The following SPON1 variants were observed in gnomAD, a reference collection of about 807,000 sequenced individuals.
SPON1 encodes the protein spondin 1, also known as spondin-1.
SPON1 carries 52 observed loss-of-function variants against 111.7 expected under a neutral mutation model. The observed-to-expected ratio is 0.47, with a 90% CI of 0.37 to 0.59. The LOEUF (loss-of-function observed/expected upper bound fraction) is 0.59. Among genes scored for constraint, SPON1 ranks in the 20% least tolerant of loss-of-function variants. SPON1 has a pLI of 0.00. For synonymous variants in SPON1, 410 were observed against 395.8 expected (o/e 1.04, Z -0.43); for missense variants, 957 against 1,068.5 (o/e 0.90, Z 1.46).
chr11:14,135,301 T>TGGC lies in SPON1; in HGVS notation c.677-119_677-118insGGC. On this transcript the variant is annotated intron_variant, in intron 5 of 15. Transcript: ENST00000576479. The surrounding 1 kb of genome is among the most constrained non-coding windows in gnomAD (Gnocchi z 4.4). Reference sequence around the variant, plus strand: ...GAATGGCACAGGGCCTAAGACAGAATAGGTGCTTAGTCAGTGCTCTTTGAA... The same window carrying TGGC: ...GAATGGCACAGGGCCTAAGACAGAATGGCAGGTGCTTAGTCAGTGCTCTTTGAA... 1 of 1,142,600 alleles carries TGGC rather than the reference T, an allele frequency of 8.8e-7. No homozygotes were observed. Among genetic ancestry groups the TGGC allele is most frequent in the East Asian group, 2.4e-5 (1 of 42,126 alleles). The allele number at this position is 1,142,600 out of a possible 1,614,324, so 70.8% of individuals were successfully genotyped here. A position where few individuals can be genotyped will look rare whatever the true frequency, so the allele number is the denominator to read the frequency against.
intron 4 of SPON1, among the ~76,000 whole-genome samples, chr11:14,075,988 G>A (rs1354353957): frequency 3.3e-5 from 5 of 152,240 alleles, no homozygotes; most frequent in East Asian, 3.9e-4. Context: ...AACTAGACTC[G>A]GGGGATAAAG....
chr11:14,064,448 TGAG>T (rs1444035456), intron 3 of SPON1, among the ~76,000 whole-genome samples: 1 of 152,080 alleles, frequency 6.6e-6, no homozygotes, highest in East Asian at 1.9e-4. Flanking sequence ...AGGGTAGAAG[TGAG>T]GAGGAGACAT....
intron 8 of SPON1, among the ~76,000 whole-genome samples, chr11:14,255,051 A>G (rs1849090887): frequency 6.6e-6 from 1 of 152,174 alleles, no homozygotes; most frequent in African/African-American, 2.4e-5. Flanking sequence ...TGAATGTCAT[A>G]TTTCTCTGAT....
At chr11:14,001,979 G>A (rs1355588563) in intron 2 of SPON1, among the ~76,000 whole-genome samples, 2 of 152,116 alleles carry the variant, frequency 1.3e-5, no homozygotes, top group Non-Finnish European at 2.9e-5. Context: ...TATCAGAGGA[G>A]GGAAGAAGAG....
rs1286418938 is a variant in SPON1 at position 13,962,950 on chromosome 11, C to T, written c.46C>T (p.Leu16=). The part of the protein sequence containing the change: ...APLKLSRTPA[L]LALALPLAAA... ...CCTGAAGCTGAGCCGGACTCCGGCA[C>T]TGCTGGCCCTGGCGCTGCCCCTGGC... The change falls in exon 1 of 16, where the codon CTG becomes TTG. Residue 16 remains leucine (L), a synonymous_variant. Transcript: ENST00000576479. 1.3e-6 allele frequency: 2 copies of T among 1,585,178 alleles called. No individual in the cohort carries two copies. The highest frequency in any genetic ancestry group is 1.7e-6 in the Non-Finnish European group (2 of 1,167,992).
At chr11:14,233,883 C>T (rs1468014409) in intron 6 of SPON1, among the ~76,000 whole-genome samples, 1 of 151,698 alleles carries the variant, frequency 6.6e-6, no homozygotes, top group African/African-American at 2.4e-5. Flanking sequence ...CTGCCTCAGC[C>T]TCCCAAGTAG....
chr11:13,974,585 C>T (rs1848088001), intron 1 of SPON1, among the ~76,000 whole-genome samples: 1 of 152,194 alleles, frequency 6.6e-6, no homozygotes, highest in Non-Finnish European at 1.5e-5. Context: ...GGAAAGAACT[C>T]TGCCCTGGGT....
At chr11:14,196,865 C>G (rs1848407990) in intron 6 of SPON1, among the ~76,000 whole-genome samples, 1 of 152,178 alleles carries the variant, frequency 6.6e-6, no homozygotes, top group Non-Finnish European at 1.5e-5. Context: ...GACTGGCCAA[C>G]ATGGCGAAAC....
intron 7 of SPON1, among the ~76,000 whole-genome samples, chr11:14,250,671 T>C (rs1434606834): frequency 2.6e-5 from 4 of 152,158 alleles, no homozygotes; most frequent in Non-Finnish European, 5.9e-5. Context: ...GGTAGAAAGA[T>C]GAAACCAAAT....
At chr11:14,242,661 C>CA (rs1164282675) in intron 6 of SPON1, among the ~76,000 whole-genome samples, 1 of 152,248 alleles carries the variant, frequency 6.6e-6, no homozygotes, top group Non-Finnish European at 1.5e-5. Flanking sequence ...GAAGACCATT[C>CA]AGTGCTTTCC....
intron 5 of SPON1, among the ~76,000 whole-genome samples, chr11:14,087,768 G>T (rs2086404788): frequency 6.6e-6 from 1 of 152,140 alleles, no homozygotes; most frequent in Non-Finnish European, 1.5e-5. Context: ...TATTCTGTAG[G>T]AGTCTAAGTC....
intron 5 of SPON1, among the ~76,000 whole-genome samples, chr11:14,095,857 A>G (rs1404451846): frequency 1.3e-5 from 2 of 152,218 alleles, no homozygotes; most frequent in Non-Finnish European, 2.9e-5. Context: ...CATAAAATGA[A>G]CCATCACAAA....
intron 3 of SPON1, among the ~76,000 whole-genome samples, chr11:14,066,120 G>T (rs1554920337): frequency 2.6e-5 from 4 of 152,140 alleles, no homozygotes; most frequent in Non-Finnish European, 5.9e-5. Flanking sequence ...CTAATCAATT[G>T]CAAAATGCTA....
At chr11:13,988,415 C>G (rs1848202184) in intron 2 of SPON1, among the ~76,000 whole-genome samples, 1 of 152,164 alleles carries the variant, frequency 6.6e-6, no homozygotes, top group African/African-American at 2.4e-5. Context: ...TATCCTGAGA[C>G]TTTGCTGAAG....
intron 2 of SPON1, among the ~76,000 whole-genome samples, chr11:14,010,752 G>C (rs931945791): frequency 6.6e-6 from 1 of 152,142 alleles, no homozygotes; most frequent in Non-Finnish European, 1.5e-5. Flanking sequence ...TTCTTTTCTA[G>C]GTGCAATATT....
chr11:14,032,493 A>G (rs1370192894), intron 2 of SPON1, among the ~76,000 whole-genome samples: 1 of 152,168 alleles, frequency 6.6e-6, no homozygotes, highest in Non-Finnish European at 1.5e-5. Flanking sequence ...GGTGCACGGC[A>G]CACAAGGGGA....
chr11:13,997,680 A>G (rs1385369082), intron 2 of SPON1, among the ~76,000 whole-genome samples: 1 of 152,234 alleles, frequency 6.6e-6, no homozygotes, highest in African/African-American at 2.4e-5. Flanking sequence ...TCCACAGGTG[A>G]GGAGAGAGAC....
At position 14,160,431 on chromosome 11, in the gene SPON1, TTA is replaced by T. The variant is rs1285077535; in HGVS notation, c.825+24873_825+24874del. Among the ~76,000 whole-genome samples the T allele has an allele frequency of 1.6e-4, 4 of 24,554 alleles. 1 individual carries two copies. The highest frequency in any genetic ancestry group is 2.4e-4 in the African/African-American group (1 of 4,202). The allele number at this position is 24,554 out of a possible 152,430, so 16.1% of individuals were successfully genotyped here. Reference sequence around the variant, plus strand: ...TATATATATATTTATATATATATATTTATATATATATTTATATATATATTTAT... The same window carrying T: ...TATATATATATTTATATATATATATTTATATATATTTATATATATATTTAT... On this transcript the variant is annotated intron_variant, in intron 6 of 15. Coordinates refer to ENST00000576479, the MANE Select transcript of SPON1 (RefSeq NM_006108.4).
At chr11:14,160,469 TTATATATATATTTA>T (rs1378293933) in intron 6 of SPON1, among the ~76,000 whole-genome samples, 2,349 of 16,394 alleles carry the variant, frequency 0.14, 563 homozygotes, top group East Asian at 0.28. Flanking sequence ...ATATATATAT[TTATATATATATTTA>T]TATATATATA....
Sources: allele counts gnomAD v4.1 joint callset (sites outside exome capture counted in the v4.1 genomes callset), GRCh38; gene constraint gnomAD v4.1.1; non-coding constraint Gnocchi (gnomAD v3.1); transcripts MANE v1.5; gene names NCBI Gene and HGNC (gene_info 2026-07-23, HGNC 2026-07-21).